The following BIRC6 variants were observed in gnomAD, a reference collection of about 807,000 sequenced individuals.
BIRC6 encodes the protein baculoviral IAP repeat containing 6, also known as dual E2 ubiquitin-conjugating enzyme/E3 ubiquitin-protein ligase BIRC6.
In BIRC6, 98 loss-of-function variants were observed where a neutral mutation model predicts 503.3. That is an observed-to-expected ratio of 0.19 (90% CI 0.17 to 0.23). BIRC6 has a LOEUF of 0.23. Among genes scored for constraint, BIRC6 ranks in the 10% least tolerant of loss-of-function variants. The pLI is 1.00. For synonymous variants in BIRC6, 2,240 were observed against 2,078.7 expected, an observed-to-expected ratio of 1.08 and a Z score of -2.11; for missense variants, 5,360 against 5,806.0, an observed-to-expected ratio of 0.92 and a Z score of 2.50.
intron 23 of BIRC6, among the ~76,000 whole-genome samples, chr2:32,458,295 TG>T (rs2047464644): frequency 6.6e-6 from 1 of 152,196 alleles, no homozygotes; most frequent in Admixed American, 6.5e-5. Flanking sequence ...TAGGACTTCT[TG>T]AATCTTTAGT....
At chr2:32,447,173 C>G (rs1405641895) in intron 21 of BIRC6, among the ~76,000 whole-genome samples, 6 of 150,102 alleles carry the variant, frequency 4.0e-5, no homozygotes, top group Non-Finnish European at 8.9e-5. Context: ...GACCCGGCAA[C>G]CATCCGATTT....
Position 32,490,099 on chromosome 2 carries a change from A to G in BIRC6, c.8154A>G (p.Thr2718=). 6.2e-7 allele frequency: 1 copy of G among 1,613,720 alleles called. No homozygotes were observed. Among genetic ancestry groups the G allele is most frequent in the African/African-American group, 1.3e-5 (1 of 75,038 alleles). ...LAWYPNTLLR[T]WCLVLHSLTL... Reference sequence around the variant, plus strand: ...GGTATCCCAATACTTTGCTCCGGACATGGTGCCTTGTGCTTCATAGCCTAA... The same window carrying G: ...GGTATCCCAATACTTTGCTCCGGACGTGGTGCCTTGTGCTTCATAGCCTAA... Residue 2718 remains threonine, a synonymous_variant, in exon 43 of 74, where the codon ACA becomes ACG. Transcript: ENST00000421745.
chr2:32,561,690 T>C (rs529515457), intron 65 of BIRC6, among the ~76,000 whole-genome samples: 1 of 150,682 alleles, frequency 6.6e-6, no homozygotes, highest in Non-Finnish European at 1.5e-5. Flanking sequence ...GATTATCTTT[T>C]ATGTTTATAT....
Position 32,369,962 on chromosome 2 carries a change from ATATATATATATATATATATATATG to A in BIRC6, c.326-7622_326-7599del, listed in dbSNP as rs1349833241. 5.7e-3 allele frequency among the ~76,000 whole-genome samples: 328 copies of A among 57,954 alleles called. 10 individuals carry two copies. The highest frequency in any genetic ancestry group is 8.3e-3 in the South Asian group (11 of 1,326). 38.0% of individuals were successfully genotyped at this position (57,954 alleles called of 152,430 possible). ...AAAAAAAAAATATATATATATATAT[ATATATATATATATATATATATATG>A]TATGTATGTATGTGTGTGTATATAT... is the stretch of plus-strand genomic sequence containing the variant. On this transcript the variant is annotated intron_variant, in intron 1 of 73. Coordinates refer to ENST00000421745, the MANE Select transcript of BIRC6 (RefSeq NM_016252.4).
At chr2:32,551,488 A>T (rs1400640712) in intron 65 of BIRC6, among the ~76,000 whole-genome samples, 2 of 152,054 alleles carry the variant, frequency 1.3e-5, no homozygotes, top group African/African-American at 4.8e-5. Flanking sequence ...TCACCATGTT[A>T]GCCAGGCTGG....
At chr2:32,601,123 C>T (rs2062025620) in intron 70 of BIRC6, among the ~76,000 whole-genome samples, 1 of 152,190 alleles carries the variant, frequency 6.6e-6, no homozygotes, top group Non-Finnish European at 1.5e-5. Flanking sequence ...CACTAAAGGT[C>T]AAATGGTATA....
intron 65 of BIRC6, among the ~76,000 whole-genome samples, chr2:32,552,248 A>G (rs2058476564): frequency 6.6e-6 from 1 of 152,176 alleles, no homozygotes; most frequent in South Asian, 2.1e-4. Flanking sequence ...TTAAACTTTA[A>G]TGTTTAATGA....
intron 3 of BIRC6, among the ~76,000 whole-genome samples, chr2:32,382,701 C>G (rs1558577191): frequency 6.6e-6 from 1 of 152,152 alleles, no homozygotes; most frequent in African/African-American, 2.4e-5. Context: ...TTTCATATAA[C>G]AAAACTATTA....
intron 21 of BIRC6, 122 bp from the exon 22 acceptor site, chr2:32,448,652 TGGAGAGGGGAGAGGGGAGAGG>T (rs550222036): frequency 6.3e-5 from 38 of 604,320 alleles, no homozygotes; most frequent in African/African-American, 1.1e-4. Flanking sequence ...AAGGGGACCG[TGGAGAGGGGAGAGGGGAGAGG>T]GGAGAGGGGA....
Position 32,477,502 on chromosome 2 carries a change from C to G in BIRC6, c.6987C>G (p.Ile2329Met), listed in dbSNP as rs1460447834. ...LPFTLAHERCISVVQKLVLFL... is the reference protein window; with the variant it reads ...LPFTLAHERCMSVVQKLVLFL... Reference sequence around the variant, plus strand: ...TTACTCTGGCCCATGAGCGTTGTATCTCAGTAGTCCAGAAACTTGTTCTGT... The same window carrying G: ...TTACTCTGGCCCATGAGCGTTGTATGTCAGTAGTCCAGAAACTTGTTCTGT... The change falls in exon 35 of 74, where the codon ATC becomes ATG. Residue 2329 changes from isoleucine (I) to methionine (M), a missense_variant. Transcript: ENST00000421745. 6.2e-7 allele frequency: 1 copy of G among 1,613,822 alleles called. No individual in the cohort carries two copies. The highest frequency in any genetic ancestry group is 8.5e-7 in the Non-Finnish European group (1 of 1,179,870).
intron 59 of BIRC6, chr2:32,527,690 ACCT>A (rs1372622997): frequency 6.6e-6 from 1 of 152,222 alleles, no homozygotes; most frequent in Admixed American, 6.6e-5. Flanking sequence ...ATGATGTCTG[ACCT>A]CCTTACATAT....
At chr2:32,370,862 G>T (rs959109423) in intron 1 of BIRC6, among the ~76,000 whole-genome samples, 6 of 152,136 alleles carry the variant, frequency 3.9e-5, no homozygotes, top group African/African-American at 1.4e-4. Flanking sequence ...TGAGATGTCA[G>T]TGGAAATGGA....
chr2:32,421,748 C>T (rs564173014), intron 10 of BIRC6, among the ~76,000 whole-genome samples: 1 of 152,064 alleles, frequency 6.6e-6, no homozygotes, highest in Non-Finnish European at 1.5e-5. Context: ...TTTTCATGAC[C>T]CAGCATCTGG....
chr2:32,424,577 C>T (rs1051334209), intron 10 of BIRC6, among the ~76,000 whole-genome samples: 1 of 151,484 alleles, frequency 6.6e-6, no homozygotes, highest in Non-Finnish European at 1.5e-5. Context: ...TGCACTGACG[C>T]GATCTCGGCT....
At chr2:32,457,092 C>T (rs2047342462) in intron 23 of BIRC6, among the ~76,000 whole-genome samples, 1 of 152,112 alleles carries the variant, frequency 6.6e-6, no homozygotes, top group South Asian at 2.1e-4. Flanking sequence ...TGCTATTTCT[C>T]CGAGGATTTA....
chr2:32,508,282 T>C (rs1181995585), intron 51 of BIRC6, 23 bp downstream of exon 51: 7 of 855,004 alleles, frequency 8.2e-6, no homozygotes, highest in East Asian at 6.0e-5. Flanking sequence ...TGTCCTTTTT[T>C]TTTTTTTTTT....
chr2:32,594,720 A>ATGGC, intron 67 of BIRC6, among the ~76,000 whole-genome samples: 1 of 152,118 alleles, frequency 6.6e-6, no homozygotes, highest in South Asian at 2.1e-4. Flanking sequence ...GGATGGATGG[A>ATGGC]TGGATGGATG....
chr2:32,467,784 T>A (rs2048713112), intron 27 of BIRC6, 45 bp downstream of exon 27: 1 of 1,513,614 alleles, frequency 6.6e-7, no homozygotes. Flanking sequence ...TCTATGTTTC[T>A]GACAAGTTAT....
intron 12 of BIRC6, among the ~76,000 whole-genome samples, chr2:32,431,589 T>C (rs1453188722): frequency 6.6e-6 from 1 of 152,232 alleles, no homozygotes; most frequent in African/African-American, 2.4e-5. Context: ...TTTTGCATGT[T>C]GATGACTTTG....
Sources: allele counts gnomAD v4.1 joint callset (sites outside exome capture counted in the v4.1 genomes callset), GRCh38; gene constraint gnomAD v4.1.1; transcripts MANE v1.5; gene names NCBI Gene and HGNC (gene_info 2026-07-23, HGNC 2026-07-21).